The following TATDN1 variants were observed in gnomAD, a reference collection of about 807,000 sequenced individuals.
TATDN1 encodes the protein TatD DNase domain containing 1.
A neutral mutation model predicts 46.4 loss-of-function variants in TATDN1; 40 were observed. That is an observed-to-expected ratio of 0.86 (90% CI 0.67 to 1.12). TATDN1 has a LOEUF of 1.12. Ranked by LOEUF, TATDN1 falls within the 50% of genes most tolerant of loss-of-function variation. The pLI, the probability that TATDN1 is intolerant of heterozygous loss-of-function variation, is 0.00. For synonymous variants in TATDN1, 95 were observed against 105.6 expected, an observed-to-expected ratio of 0.90 and a Z score of 0.62; for missense variants, 326 against 348.4, an observed-to-expected ratio of 0.94 and a Z score of 0.51.
At chr8:124,507,287 T>TTA (rs1818546852) in intron 8 of TATDN1, among the ~76,000 whole-genome samples, 1 of 152,088 alleles carries the variant, frequency 6.6e-6, no homozygotes, top group Non-Finnish European at 1.5e-5. Context: ...AGAATGCAAA[T>TTA]TACAGAAAGG....
At chr8:124,497,803 CCTTTA>C (rs1015111242) in intron 9 of TATDN1, among the ~76,000 whole-genome samples, 1 of 151,864 alleles carries the variant, frequency 6.6e-6, no homozygotes, top group Non-Finnish European at 1.5e-5. Context: ...TTCTATCAGC[CCTTTA>C]CTTATTAGAG....
chr8:124,509,458 A>G (rs1818816086), intron 6 of TATDN1, among the ~76,000 whole-genome samples: 1 of 152,218 alleles, frequency 6.6e-6, no homozygotes, highest in African/African-American at 2.4e-5. Context: ...CAGAGGATAC[A>G]ACGAATGTTC....
intron 9 of TATDN1, chr8:124,503,822 C>G: frequency 3.0e-6 from 3 of 989,676 alleles, no homozygotes; most frequent in African/African-American, 1.7e-5. Flanking sequence ...GGTTCTCATA[C>G]TTGGAGAAAC....
At chr8:124,517,669 G>A (rs1290578923) in intron 4 of TATDN1, among the ~76,000 whole-genome samples, 1 of 152,086 alleles carries the variant, frequency 6.6e-6, no homozygotes, top group Non-Finnish European at 1.5e-5. Flanking sequence ...TACCTAACTA[G>A]GATTCCTTTA....
chr8:124,515,764 G>C lies in TATDN1; in HGVS notation c.371C>G (p.Pro124Arg). The C allele has an allele frequency of 1.9e-6, 3 of 1,613,462 alleles. No individual in the cohort carries two copies. The highest frequency in any genetic ancestry group is 1.7e-6 in the Non-Finnish European group (2 of 1,179,742). ...TCCTTACTTGAGTTGAGTATCTTTG[G>C]GACAAAACTGCAGTCGGTCAAAATC... ...GLDFDRLQFC[P>R]KDTQLKYFEK... Residue 124 changes from proline to arginine, a missense_variant, in exon 6 of 12, where the codon CCC becomes CGC. Coordinates refer to ENST00000276692, the MANE Select transcript of TATDN1 (RefSeq NM_032026.4).
chr8:124,494,002 TA>T (rs1817246431), intron 10 of TATDN1, 43 bp from the exon 11 acceptor site: 1 of 1,535,004 alleles, frequency 6.5e-7, no homozygotes, highest in South Asian at 1.3e-5. Context: ...TTTACATTTT[TA>T]AAAATTTTTT....
At chr8:124,510,529 AAAT>A (rs1256296007) in intron 6 of TATDN1, among the ~76,000 whole-genome samples, 1 of 152,182 alleles carries the variant, frequency 6.6e-6, no homozygotes, top group Admixed American at 6.5e-5. Context: ...CAGTTTATGA[AAAT>A]AACAGAGGCC....
intron 11 of TATDN1, chr8:124,488,927 A>G (rs1020614819): frequency 4.4e-6 from 2 of 449,828 alleles, no homozygotes; most frequent in Non-Finnish European, 7.9e-6. Flanking sequence ...GGTTCAAGTA[A>G]ATTATTAAAG....
At chr8:124,504,388 C>A in intron 8 of TATDN1, 41 bp from the exon 9 acceptor site, 1 of 1,370,196 alleles carries the variant, frequency 7.3e-7, no homozygotes, top group Non-Finnish European at 9.8e-7. Context: ...ATAATAATTA[C>A]TCTTTAAAAT....
At chr8:124,493,716 G>T in intron 11 of TATDN1, 117 bp downstream of exon 11, 2 of 1,223,452 alleles carry the variant, frequency 1.6e-6, no homozygotes, top group African/African-American at 1.5e-5. Flanking sequence ...TGGTGGTCTT[G>T]AACCTGAACT....
intron 8 of TATDN1, among the ~76,000 whole-genome samples, chr8:124,507,001 A>C (rs1250028647): frequency 6.6e-6 from 1 of 152,076 alleles, no homozygotes; most frequent in African/African-American, 2.4e-5. Context: ...GTCTCTACTA[A>C]AAATACAAAA....
rs527733228 is a variant in TATDN1, at chr8:124,503,288, T to C, written c.593+983A>G. ...GAATCAAGAGACAATAGTATATGGA[T>C]ATTATTTAGAAATATGGTGACAAAT... On this transcript the variant is annotated intron_variant, in intron 9 of 11. Coordinates refer to ENST00000276692, the MANE Select transcript of TATDN1 (RefSeq NM_032026.4). 4.6e-5 allele frequency among the ~76,000 whole-genome samples: 7 copies of C among 152,296 alleles called. No homozygotes were observed. The South Asian group carries it at 1.4e-3, about 32-fold the overall frequency.
chr8:124,533,397 T>G (rs146273310), intron 1 of TATDN1, among the ~76,000 whole-genome samples: 2 of 152,122 alleles, frequency 1.3e-5, no homozygotes, highest in Non-Finnish European at 2.9e-5. Context: ...AGGGCCTAAA[T>G]TGAATGAGAA....
At position 124,518,851 on chromosome 8, in the gene TATDN1, T is replaced by C. The variant is rs1463321304; in HGVS notation, c.169A>G (p.Ser57Gly). Residue 57 changes from serine (S) to glycine (G), a missense_variant, in exon 4 of 12, where the codon AGT (serine) becomes GGT (glycine). By Grantham distance (56) the Ser-to-Gly change is moderately conservative. Coordinates refer to ENST00000276692, the MANE Select transcript of TATDN1 (RefSeq NM_032026.4). ...FMITGGNLQDSKDALHLAQTN... is the reference protein window; with the variant it reads ...FMITGGNLQDGKDALHLAQTN... ...TGTGCCAAATGCAGTGCATCTTTAC[T>C]GTCTTGTAGATTTCCACCTGTAATC... 6.2e-7 allele frequency: 1 copy of C among 1,611,816 alleles called. No homozygotes were observed. The highest frequency in any genetic ancestry group is 1.1e-5 in the South Asian group (1 of 90,808).
At chr8:124,512,170 C>T (rs1242823821) in intron 6 of TATDN1, among the ~76,000 whole-genome samples, 2 of 152,072 alleles carry the variant, frequency 1.3e-5, no homozygotes, top group African/African-American at 4.8e-5. Flanking sequence ...TGCCTGTAAC[C>T]CTAGCACTTT....
At chr8:124,520,531 G>A (rs1197738193) in intron 3 of TATDN1, among the ~76,000 whole-genome samples, 1 of 151,814 alleles carries the variant, frequency 6.6e-6, no homozygotes. Context: ...CCTACATCCA[G>A]TATTTAAATT....
chr8:124,533,872 C>T (rs566137232), intron 1 of TATDN1, among the ~76,000 whole-genome samples: 12 of 152,014 alleles, frequency 7.9e-5, no homozygotes, highest in South Asian at 4.2e-4. Flanking sequence ...TGTGGCAGGG[C>T]GCGATGGCTC....
At chr8:124,512,317 T>C (rs1415163233) in intron 6 of TATDN1, among the ~76,000 whole-genome samples, 1 of 151,984 alleles carries the variant, frequency 6.6e-6, no homozygotes, top group East Asian at 1.9e-4. Context: ...CCCAGCTACT[T>C]GGGAGGCTGA....
intron 6 of TATDN1, among the ~76,000 whole-genome samples, chr8:124,509,133 C>T (rs1349121615): frequency 6.6e-6 from 1 of 152,176 alleles, no homozygotes. Flanking sequence ...ATTTGCTAAA[C>T]AGCAAATAAC....
Sources: allele counts gnomAD v4.1 joint callset (sites outside exome capture counted in the v4.1 genomes callset), GRCh38; gene constraint gnomAD v4.1.1; transcripts MANE v1.5; gene names NCBI Gene and HGNC (gene_info 2026-07-23, HGNC 2026-07-21).